Variants in DENND2A observed in about 807,000 individuals in gnomAD.
DENND2A encodes the protein DENN domain-containing protein 2A.
In DENND2A, 53 loss-of-function variants were observed where a neutral mutation model predicts 105.3. The ratio of observed to expected loss-of-function variants is 0.50; its 90% CI spans 0.40 to 0.63. The LOEUF (loss-of-function observed/expected upper bound fraction) is 0.63, where lower values mean the gene tolerates loss of function less well. Among genes scored for constraint, DENND2A ranks in the 30% least tolerant of loss-of-function variants. The probability of loss-of-function intolerance (pLI) is 0.00; values close to 1 mark genes in which losing one functional copy is unlikely to be tolerated. For missense variants in DENND2A, 1,138 were observed against 1,279.6 expected, an observed-to-expected ratio of 0.89 and a Z score of 1.69; for synonymous variants, 522 against 508.4, an observed-to-expected ratio of 1.03 and a Z score of -0.36.
chr7:140,558,226 AAC>A lies in DENND2A; in HGVS notation c.1890-16_1890-15del, dbSNP rs750671378. 1 of 1,607,526 alleles carries A rather than the reference AAC, an allele frequency of 6.2e-7. No individual in the cohort carries two copies. Among genetic ancestry groups the A allele is most frequent in the Non-Finnish European group, 8.5e-7 (1 of 1,174,322 alleles). ...GAGAATGTTTCACTGTGGTTGGGAA[AAC>A]ACAAATGTATCATAAAGCAAAACAA... On this transcript the variant is annotated splice_polypyrimidine_tract_variant and intron_variant, in intron 10 of 19. Transcript: ENST00000496613.
intron 19 of DENND2A, 128 bp from the exon 20 acceptor site, chr7:140,518,866 TG>T: frequency 2.6e-6 from 2 of 759,822 alleles, no homozygotes; most frequent in Non-Finnish European, 4.5e-6. Flanking sequence ...CCTCATCCCT[TG>T]CTCTGGAGAA....
At chr7:140,623,261 G>A (rs1419593468) in intron 1 of DENND2A, among the ~76,000 whole-genome samples, 1 of 146,654 alleles carries the variant, frequency 6.8e-6, no homozygotes, top group Non-Finnish European at 1.5e-5. Context: ...GTTGCAGTGA[G>A]CCAAGATCAT....
intron 8 of DENND2A, among the ~76,000 whole-genome samples, chr7:140,568,185 C>A (rs1797952640): frequency 6.6e-6 from 1 of 152,182 alleles, no homozygotes; most frequent in African/African-American, 2.4e-5. Context: ...TGTGATCCAC[C>A]CGCCTCGGCC....
intron 3 of DENND2A, among the ~76,000 whole-genome samples, chr7:140,598,130 C>A (rs1799353183): frequency 6.6e-6 from 1 of 152,028 alleles, no homozygotes; most frequent in Non-Finnish European, 1.5e-5. Context: ...GAATAATAAA[C>A]CAGGCCCGAA....
intron 3 of DENND2A, among the ~76,000 whole-genome samples, chr7:140,589,456 G>C (rs372750841): frequency 6.6e-6 from 1 of 152,298 alleles, no homozygotes; most frequent in African/African-American, 2.4e-5. Flanking sequence ...GGACAGGAAG[G>C]GGTCATTTCA....
chr7:140,598,007 T>A (rs1446172337), intron 3 of DENND2A, among the ~76,000 whole-genome samples: 1 of 138,264 alleles, frequency 7.2e-6, no homozygotes, highest in East Asian at 2.0e-4. Flanking sequence ...ATCCTGTATG[T>A]ATTCTGCAAA....
Position 140,559,952 on chromosome 7 carries a change from C to G in DENND2A, c.1780-135G>C. On this transcript the variant is annotated intron_variant, in intron 9 of 19. Coordinates refer to ENST00000496613, the MANE Select transcript of DENND2A (RefSeq NM_015689.5). The surrounding 1 kb of genome is among the most constrained non-coding windows in gnomAD (Gnocchi z 4.1). Reference sequence around the variant, plus strand: ...CCTTAGCCTCTTCCCTTGGGAAGAGCTTGCAGCTCAGTCGGCTGGGGCATT... The same window carrying G: ...CCTTAGCCTCTTCCCTTGGGAAGAGGTTGCAGCTCAGTCGGCTGGGGCATT... The G allele has an allele frequency of 1.4e-6, 1 of 707,894 alleles. No individual in the cohort carries two copies. Among genetic ancestry groups the G allele is most frequent in the South Asian group, 1.6e-5 (1 of 63,522 alleles). The allele number at this position is 707,894 out of a possible 1,614,324, so 43.9% of individuals were successfully genotyped here.
intron 5 of DENND2A, among the ~76,000 whole-genome samples, chr7:140,575,609 G>C (rs1330568756): frequency 1.3e-5 from 2 of 152,162 alleles, no homozygotes; most frequent in Non-Finnish European, 2.9e-5. Context: ...TCCATCAATA[G>C]AGGGGCTGGT....
chr7:140,624,868 G>GTTTTTTTTTTTT (rs1367069950), intron 1 of DENND2A, among the ~76,000 whole-genome samples: 16 of 109,188 alleles, frequency 1.5e-4, no homozygotes, highest in African/African-American at 4.2e-4. Context: ...GTTTTTTTTT[G>GTTTTTTTTTTTT]TTTTTTTTTT....
At chr7:140,535,926 G>C (rs535419554) in intron 14 of DENND2A, among the ~76,000 whole-genome samples, 6 of 152,250 alleles carry the variant, frequency 3.9e-5, no homozygotes, top group African/African-American at 1.2e-4. Context: ...CCAGAAGAGA[G>C]AGCAAAGGCC....
intron 6 of DENND2A, among the ~76,000 whole-genome samples, chr7:140,572,364 G>T (rs1316141611): frequency 6.6e-6 from 1 of 151,968 alleles, no homozygotes; most frequent in African/African-American, 2.4e-5. Context: ...GAAAGCTACA[G>T]ACAGTGTCCC....
intron 14 of DENND2A, among the ~76,000 whole-genome samples, chr7:140,532,850 T>G (rs954134921): frequency 1.1e-4 from 16 of 151,250 alleles, no homozygotes; most frequent in African/African-American, 3.2e-4. Flanking sequence ...CATAGTTAGA[T>G]CCTCATCTCT....
intron 6 of DENND2A, among the ~76,000 whole-genome samples, chr7:140,573,515 T>G (rs1585665306): frequency 6.6e-6 from 1 of 151,806 alleles, no homozygotes; most frequent in South Asian, 2.1e-4. Flanking sequence ...TTTGTGGCGG[T>G]GAAGGAAGGA....
At chr7:140,520,220 C>T (rs1163064477) in intron 18 of DENND2A, among the ~76,000 whole-genome samples, 1 of 151,812 alleles carries the variant, frequency 6.6e-6, no homozygotes, top group Non-Finnish European at 1.5e-5. Flanking sequence ...GCAGGAAAAT[C>T]GCTTGAACCC....
chr7:140,579,159 G>A (rs1009433643), intron 5 of DENND2A, among the ~76,000 whole-genome samples: 4 of 151,890 alleles, frequency 2.6e-5, no homozygotes, highest in African/African-American at 4.8e-5. Context: ...TGGGCATGGT[G>A]GCGCACGCCT....
chr7:140,535,725 G>A (rs1363719018), intron 14 of DENND2A, among the ~76,000 whole-genome samples: 1 of 152,094 alleles, frequency 6.6e-6, no homozygotes, highest in Non-Finnish European at 1.5e-5. Flanking sequence ...GGGATTACAG[G>A]CATGTGCCAC....
At chr7:140,638,912 C>T (rs1397881499) in intron 1 of DENND2A, among the ~76,000 whole-genome samples, 1 of 152,216 alleles carries the variant, frequency 6.6e-6, no homozygotes, top group African/African-American at 2.4e-5. Flanking sequence ...TGTTTGACTA[C>T]CCAGCTAGGA....
At chr7:140,525,153 C>CTT (rs1198329788) in intron 16 of DENND2A, among the ~76,000 whole-genome samples, 8,197 of 111,912 alleles carry the variant, frequency 0.073, 432 homozygotes, top group Non-Finnish European at 0.083. Flanking sequence ...GAGACCCTGT[C>CTT]TTTTTTTTTT....
chr7:140,578,418 T>A (rs1477017343), intron 5 of DENND2A, among the ~76,000 whole-genome samples: 1 of 152,184 alleles, frequency 6.6e-6, no homozygotes, highest in Non-Finnish European at 1.5e-5. Context: ...GGATCCTTGA[T>A]ATAAACTATC....
Sources: allele counts gnomAD v4.1 joint callset (sites outside exome capture counted in the v4.1 genomes callset), GRCh38; gene constraint gnomAD v4.1.1; non-coding constraint Gnocchi (gnomAD v3.1); transcripts MANE v1.5; gene names NCBI Gene and HGNC (gene_info 2026-07-23, HGNC 2026-07-21).